USP39: variants seen among roughly 807,000 people sequenced by gnomAD.
The protein encoded by USP39 is ubiquitin specific peptidase 39, also known as ubiquitin carboxyl-terminal hydrolase 39.
In USP39, 38 loss-of-function variants were observed where a neutral mutation model predicts 66.4. The observed-to-expected ratio is 0.57, with a 90% confidence interval of 0.44 to 0.75. The LOEUF is 0.75. USP39 is among the 30% of genes least tolerant of loss of function. The pLI, the probability that USP39 is intolerant of heterozygous loss-of-function variation, is 0.00. For missense variants in USP39, 608 were observed against 714.4 expected (o/e 0.85, Z 1.70); for synonymous variants, 303 against 274.6 (o/e 1.10, Z -1.02).
intron 4 of USP39, among the ~76,000 whole-genome samples, chr2:85,624,748 G>A (rs1435743312): frequency 6.6e-6 from 1 of 152,138 alleles, no homozygotes; most frequent in Non-Finnish European, 1.5e-5. Context: ...TGGGTCATTT[G>A]AGGTCAGGAG....
chr2:85,624,497 A>T (rs1444057631), intron 4 of USP39, among the ~76,000 whole-genome samples: 1 of 152,056 alleles, frequency 6.6e-6, no homozygotes, highest in Non-Finnish European at 1.5e-5. Flanking sequence ...AGGCGTTACC[A>T]TCATGCCCAG....
intron 9 of USP39, 73 bp from the exon 10 acceptor site, chr2:85,640,903 G>A (rs894076304): frequency 2.9e-6 from 4 of 1,387,744 alleles, no homozygotes; most frequent in Non-Finnish European, 3.9e-6. Flanking sequence ...AAATCGAAAT[G>A]AAAAACTCAT....
Position 85,629,409 on chromosome 2 carries a change from T to G in USP39, c.724-1312T>G, listed in dbSNP as rs1675141840. On this transcript the variant is annotated intron_variant, in intron 5 of 12. Transcript: ENST00000323701. ...AGGCTGATGAGCCTGTGTTTCTTCC[T>G]GAAATTAATACGGCTAGTTTTTATC... is the stretch of plus-strand genomic sequence containing the variant. 2.0e-5 allele frequency among the ~76,000 whole-genome samples: 3 copies of G among 152,264 alleles called. No individual in the cohort carries two copies. The South Asian group carries it at 6.2e-4, about 32-fold the overall frequency.
chr2:85,617,352 G>A (rs1049256441), intron 1 of USP39, among the ~76,000 whole-genome samples: 1 of 152,158 alleles, frequency 6.6e-6, no homozygotes, highest in Admixed American at 6.5e-5. Flanking sequence ...GGATTATGTA[G>A]CACTTTTTAA....
chr2:85,621,624 CTT>C (rs35865728), intron 3 of USP39, 45 bp downstream of exon 3: 124,268 of 1,070,780 alleles, frequency 0.12, 236 homozygotes, highest in East Asian at 0.21. Flanking sequence ...TCCAGAGGGA[CTT>C]TTTTTTTTTT....
At position 85,616,413 on chromosome 2, in the gene USP39, A is replaced by G; in HGVS notation, c.218A>G (p.Lys73Arg). The change falls in exon 1 of 13, where the codon AAG (lysine) becomes AGG (arginine). Residue 73 changes from lysine (K) to arginine (R), a missense_variant. Lys to Arg is a conservative substitution (Grantham distance 26, BLOSUM62 2). Coordinates refer to ENST00000323701, the MANE Select transcript of USP39 (RefSeq NM_006590.4). ...PASVVPFVRVKREREVDEDSE... is the reference protein window; with the variant it reads ...PASVVPFVRVRREREVDEDSE... ...TCTGTTGTCCCGTTTGTGCGGGTGA[A>G]GCGGGAGCGCGAGGTCGATGAGGAC... 1.3e-6 allele frequency: 2 copies of G among 1,599,106 alleles called. No individual in the cohort carries two copies. Among genetic ancestry groups the G allele is most frequent in the Non-Finnish European group, 1.7e-6 (2 of 1,172,286 alleles).
upstream of USP39, chr2:85,611,126 G>C: frequency 2.5e-6 from 1 of 400,798 alleles, no homozygotes; most frequent in Non-Finnish European, 3.6e-6. Context: ...TGTGGTCCCA[G>C]GTACTCGGGA....
upstream of USP39, chr2:85,612,416 C>T: frequency 2.0e-6 from 3 of 1,481,618 alleles, no homozygotes; most frequent in East Asian, 4.9e-5. Context: ...GACTGTGTAA[C>T]GCTGCCACTT....
At chr2:85,633,187 C>T (rs1675501366) in intron 6 of USP39, among the ~76,000 whole-genome samples, 1 of 151,178 alleles carries the variant, frequency 6.6e-6, no homozygotes, top group Non-Finnish European at 1.5e-5. Context: ...GTGGTGTGAT[C>T]TCGGCTCACT....
intron 7 of USP39, among the ~76,000 whole-genome samples, chr2:85,636,440 A>G (rs1675780655): frequency 6.6e-6 from 1 of 152,186 alleles, no homozygotes; most frequent in South Asian, 2.1e-4. Flanking sequence ...GATAAACTAC[A>G]TGTTCTTTCT....
At chr2:85,606,288 A>C (rs1300678170) in intron 1 of USP39, among the ~76,000 whole-genome samples, 1 of 152,262 alleles carries the variant, frequency 6.6e-6, no homozygotes, top group East Asian at 1.9e-4. Flanking sequence ...ACGCCACAGC[A>C]CCGGACAGTG....
intron 5 of USP39, among the ~76,000 whole-genome samples, chr2:85,626,636 T>A (rs931530637): frequency 1.3e-4 from 20 of 152,212 alleles, no homozygotes; most frequent in African/African-American, 4.8e-4. Context: ...ATATTTGTTG[T>A]GCTGGCTGAT....
upstream of USP39, chr2:85,611,670 C>G: frequency 1.3e-6 from 2 of 1,560,174 alleles, no homozygotes; most frequent in Non-Finnish European, 8.7e-7. Context: ...GGCCTCACCT[C>G]GGTGTCGCGG....
chr2:85,629,327 C>CT (rs1268281215), intron 5 of USP39, among the ~76,000 whole-genome samples: 1 of 151,840 alleles, frequency 6.6e-6, no homozygotes, highest in Non-Finnish European at 1.5e-5. Context: ...TCCCAAAGTG[C>CT]TGGGATTATA....
chr2:85,623,799 G>T lies in USP39; in HGVS notation c.570+17G>T, dbSNP rs1558854573. On this transcript the variant is annotated intron_variant, in intron 4 of 12. Transcript: ENST00000323701. ...GATATCACGGTGTGTGTCTAAGAGG[G>T]TTGGTTTGGGGTCCATTCTTTAATG... 1 of 1,603,682 alleles carries T rather than the reference G, an allele frequency of 6.2e-7. No individual in the cohort carries two copies. The highest frequency in any genetic ancestry group is 1.7e-5 in the Admixed American group (1 of 58,564).
chr2:85,604,370 C>A (rs943551748), intron 1 of USP39, among the ~76,000 whole-genome samples: 1 of 152,082 alleles, frequency 6.6e-6, no homozygotes, highest in Non-Finnish European at 1.5e-5. Context: ...CCACCATGCC[C>A]AGCTAATTTT....
chr2:85,618,289 C>T (rs1348134379), intron 1 of USP39, among the ~76,000 whole-genome samples: 9 of 149,622 alleles, frequency 6.0e-5, no homozygotes, highest in East Asian at 2.2e-4. Context: ...TGTGGCCGGG[C>T]GCAGTGGCTC....
At chr2:85,614,575 T>C (rs116483245), upstream of USP39, among the ~76,000 whole-genome samples, 903 of 152,312 alleles carry the variant, frequency 5.9e-3, 14 homozygotes, top group African/African-American at 0.021. Flanking sequence ...AGGGCGTTCC[T>C]GAAAGTAAAA....
chr2:85,631,988 C>T (rs1003827829), intron 6 of USP39, among the ~76,000 whole-genome samples: 3 of 151,840 alleles, frequency 2.0e-5, no homozygotes, highest in African/African-American at 7.3e-5. Flanking sequence ...GTGATCCACC[C>T]GCTTCGGCCT....
Sources: gnomAD v4.1 joint callset for allele counts (sites outside exome capture counted in the v4.1 genomes callset) on GRCh38, gnomAD v4.1.1 for gene constraint, MANE v1.5 for transcripts, NCBI Gene and HGNC (gene_info 2026-07-23, HGNC 2026-07-21) for gene names.